The following TIAM1 variants were observed in gnomAD, a reference collection of about 807,000 sequenced individuals.
The protein encoded by TIAM1 is rho guanine nucleotide exchange factor TIAM1.
A neutral mutation model predicts 163.5 loss-of-function variants in TIAM1; 65 were observed. The ratio of observed to expected loss-of-function variants is 0.40; its 90% CI spans 0.33 to 0.49. The LOEUF (loss-of-function observed/expected upper bound fraction) is 0.49. Ranked by LOEUF, TIAM1 falls within the 20% of genes least tolerant of loss-of-function variation. The pLI is 0.77. For missense variants in TIAM1, 1,789 were observed against 2,044.7 expected, an observed-to-expected ratio of 0.87 and a Z score of 2.41; for synonymous variants, 833 against 810.1, an observed-to-expected ratio of 1.03 and a Z score of -0.48.
chr21:31,510,565 C>T (rs1384821522), intron 1 of TIAM1, among the ~76,000 whole-genome samples: 1 of 152,202 alleles, frequency 6.6e-6, no homozygotes. Flanking sequence ...GTAATCCCAG[C>T]ACTTTGGGAG....
chr21:31,349,200 G>A (rs1024520561), upstream of TIAM1, among the ~76,000 whole-genome samples: 2 of 152,196 alleles, frequency 1.3e-5, no homozygotes, highest in Non-Finnish European at 2.9e-5. Flanking sequence ...TTTCCTTACA[G>A]AAGAACAACT....
chr21:31,345,952 A>G (rs2076140038), upstream of TIAM1, among the ~76,000 whole-genome samples: 1 of 152,176 alleles, frequency 6.6e-6, no homozygotes, highest in Admixed American at 6.5e-5. Flanking sequence ...CTCTGTCTTG[A>G]AAATAAATAA....
intron 2 of TIAM1, among the ~76,000 whole-genome samples, chr21:31,433,803 C>CA (rs545739594): frequency 6.8e-6 from 1 of 146,808 alleles, no homozygotes; most frequent in Non-Finnish European, 1.5e-5. Context: ...TCTAAATGTC[C>CA]TTTTTTTTTT....
intron 1 of TIAM1, among the ~76,000 whole-genome samples, chr21:31,469,036 G>T (rs1487579252): frequency 6.6e-5 from 10 of 151,142 alleles, no homozygotes; most frequent in Non-Finnish European, 1.3e-4. Context: ...TCAGTTCTAG[G>T]GAACAAAGGG....
chr21:31,439,734 A>G (rs1256944462), intron 2 of TIAM1, among the ~76,000 whole-genome samples: 4 of 152,236 alleles, frequency 2.6e-5, no homozygotes, highest in Non-Finnish European at 5.9e-5. Flanking sequence ...GGTAAGAAAT[A>G]GAACTTACTT....
At chr21:31,187,296 T>C (rs901103293) in intron 13 of TIAM1, among the ~76,000 whole-genome samples, 6 of 152,212 alleles carry the variant, frequency 3.9e-5, no homozygotes, top group Non-Finnish European at 7.3e-5. Flanking sequence ...ACTATGTACG[T>C]CTATCTTCAT....
At chr21:31,160,945 T>A (rs1003488927) in intron 16 of TIAM1, 1 of 156,334 alleles carries the variant, frequency 6.4e-6, no homozygotes, top group Admixed American at 6.5e-5. Flanking sequence ...TTGGCCAGCA[T>A]CCTGCACTGC....
intron 6 of TIAM1, among the ~76,000 whole-genome samples, chr21:31,243,571 C>T (rs1477416237): frequency 2.0e-5 from 3 of 151,976 alleles, no homozygotes; most frequent in Admixed American, 6.6e-5. Flanking sequence ...AAGACACTAC[C>T]CCATAAATAT....
chr21:31,213,144 T>C (rs1456854697), intron 10 of TIAM1: 8 of 401,906 alleles, frequency 2.0e-5, no homozygotes, highest in South Asian at 4.2e-5. Context: ...TCTTACATTC[T>C]AGTTAGAAAC....
chr21:31,281,526 T>G (rs2073567463), intron 2 of TIAM1, among the ~76,000 whole-genome samples: 2 of 152,170 alleles, frequency 1.3e-5, no homozygotes, highest in African/African-American at 2.4e-5. Context: ...GCTTAAACAG[T>G]GGGGGCAGAA....
At chr21:31,443,307 A>C (rs901880330) in intron 2 of TIAM1, among the ~76,000 whole-genome samples, 1 of 152,220 alleles carries the variant, frequency 6.6e-6, no homozygotes, top group Non-Finnish European at 1.5e-5. Context: ...CCCAGATATT[A>C]TAAAAGCATG....
intron 23 of TIAM1, among the ~76,000 whole-genome samples, chr21:31,135,569 C>T (rs1601223785): frequency 2.0e-5 from 3 of 151,786 alleles, no homozygotes; most frequent in Non-Finnish European, 4.4e-5. Context: ...AAACAGAGGC[C>T]ATTTTGTCTT....
chr21:31,245,412 C>T, intron 6 of TIAM1, 76 bp downstream of exon 6: 4 of 555,454 alleles, frequency 7.2e-6, no homozygotes, highest in Non-Finnish European at 1.1e-5. Flanking sequence ...TGGAGGGAGA[C>T]TGGGTGCCTA....
intron 1 of TIAM1, among the ~76,000 whole-genome samples, chr21:31,509,816 C>T (rs1349418952): frequency 6.6e-6 from 1 of 152,198 alleles, no homozygotes; most frequent in Non-Finnish European, 1.5e-5. Flanking sequence ...GTTCTTTCTA[C>T]CAGTAAATTC....
chr21:31,484,116 G>C (rs1480263502), intron 1 of TIAM1, among the ~76,000 whole-genome samples: 1 of 152,174 alleles, frequency 6.6e-6, no homozygotes, highest in Non-Finnish European at 1.5e-5. Flanking sequence ...CTATGAGCCA[G>C]GAAGCCAGCC....
chr21:31,285,809 G>A lies in TIAM1; in HGVS notation c.-188-8901C>T, dbSNP rs965868277. On this transcript the variant is annotated intron_variant, in intron 2 of 27. Coordinates refer to ENST00000541036, the MANE Select transcript of TIAM1 (RefSeq NM_001353694.2). ...CCAGGAGGTGGAGGCTGCAGTGAGC[G>A]AAGATCACACCATTGCACTCCAGCC... Among the ~76,000 whole-genome samples the A allele has an allele frequency of 6.6e-5, 10 of 152,002 alleles. No individual in the cohort carries two copies. In the East Asian group the frequency reaches 7.8e-4, roughly 12 times the overall value.
intron 1 of TIAM1, among the ~76,000 whole-genome samples, chr21:31,518,304 T>G (rs916011570): frequency 6.6e-6 from 1 of 152,092 alleles, no homozygotes; most frequent in African/African-American, 2.4e-5. Context: ...GGTTTTTTTT[T>G]GAAATGAAGT....
intron 2 of TIAM1, among the ~76,000 whole-genome samples, chr21:31,304,563 G>A (rs893095676): frequency 2.6e-5 from 4 of 152,298 alleles, no homozygotes; most frequent in Middle Eastern, 3.4e-3. Flanking sequence ...AAATATCAAC[G>A]TGGTTAAGAT....
intron 1 of TIAM1, among the ~76,000 whole-genome samples, chr21:31,512,445 T>C (rs117902200): frequency 0.06 from 9,054 of 152,022 alleles, 490 homozygotes; most frequent in Admixed American, 0.16. Context: ...TATAAATCAA[T>C]GAATGGCCTG....
Sources: allele counts gnomAD v4.1 joint callset (sites outside exome capture counted in the v4.1 genomes callset), GRCh38; gene constraint gnomAD v4.1.1; transcripts MANE v1.5; gene names NCBI Gene and HGNC (gene_info 2026-07-23, HGNC 2026-07-21).